Variants in RIMS2 observed in about 807,000 individuals in gnomAD.
The protein encoded by RIMS2 is regulating synaptic membrane exocytosis protein 2.
A neutral mutation model predicts 174.4 loss-of-function variants in RIMS2; 59 were observed. The ratio of observed to expected loss-of-function variants is 0.34; its 90% CI spans 0.27 to 0.42. The LOEUF is 0.42. Ranked by LOEUF, RIMS2 falls within the 10% of genes least tolerant of loss-of-function variation. The pLI, the probability that RIMS2 is intolerant of heterozygous loss-of-function variation, is 1.00. For synonymous variants in RIMS2, 606 were observed against 572.5 expected (o/e 1.06, Z -0.84); for missense variants, 1,620 against 1,666.3 (o/e 0.97, Z 0.48).
chr8:103,621,698 G>A (rs968120052), intron 1 of RIMS2, among the ~76,000 whole-genome samples: 2 of 152,166 alleles, frequency 1.3e-5, no homozygotes, highest in Non-Finnish European at 2.9e-5. Context: ...AGGAACCTCT[G>A]CTTTACTTTT....
chr8:104,076,329 A>G (rs938723268), intron 19 of RIMS2, among the ~76,000 whole-genome samples: 1 of 151,918 alleles, frequency 6.6e-6, no homozygotes, highest in African/African-American at 2.4e-5. Flanking sequence ...TTTTGAATTC[A>G]TGTTTGCAAG....
intron 1 of RIMS2, among the ~76,000 whole-genome samples, chr8:103,505,009 A>T (rs562978024): frequency 1.3e-5 from 2 of 150,254 alleles, no homozygotes; most frequent in African/African-American, 4.9e-5. Context: ...GTGTCATGAC[A>T]CTCGACTAAT....
intron 1 of RIMS2, among the ~76,000 whole-genome samples, chr8:103,690,968 T>C (rs1291510707): frequency 6.6e-6 from 1 of 152,198 alleles, no homozygotes; most frequent in Non-Finnish European, 1.5e-5. Context: ...TTTTACTGGA[T>C]GTACTATTCT....
intron 13 of RIMS2, among the ~76,000 whole-genome samples, chr8:103,938,803 T>C (rs1180365859): frequency 6.6e-6 from 1 of 152,146 alleles, no homozygotes; most frequent in Non-Finnish European, 1.5e-5. Flanking sequence ...CCATTACAAA[T>C]AGGAGAAATT....
At chr8:104,049,381 C>G (rs1266638920) in intron 19 of RIMS2, among the ~76,000 whole-genome samples, 1 of 152,072 alleles carries the variant, frequency 6.6e-6, no homozygotes, top group Non-Finnish European at 1.5e-5. Context: ...GCCGAGATCG[C>G]GCCACTGCAC....
intron 3 of RIMS2, among the ~76,000 whole-genome samples, chr8:103,823,768 A>G (rs919286886): frequency 2.7e-5 from 4 of 149,404 alleles, no homozygotes; most frequent in Non-Finnish European, 6.0e-5. Context: ...CAGCATGCTT[A>G]CTTTTCATAG....
intron 1 of RIMS2, among the ~76,000 whole-genome samples, chr8:103,516,818 CG>C: frequency 6.6e-6 from 1 of 152,044 alleles, no homozygotes; most frequent in Admixed American, 6.6e-5. Flanking sequence ...ATGGGAAGGT[CG>C]GGGAGAGGTA....
chr8:103,737,636 G>A (rs1274534665), intron 2 of RIMS2, among the ~76,000 whole-genome samples: 2 of 152,146 alleles, frequency 1.3e-5, no homozygotes, highest in Admixed American at 6.6e-5. Context: ...ACACAGGGAA[G>A]GCAAAATGCA....
intron 1 of RIMS2, among the ~76,000 whole-genome samples, chr8:103,612,701 C>T (rs2095411423): frequency 6.6e-6 from 1 of 152,210 alleles, no homozygotes; most frequent in Non-Finnish European, 1.5e-5. Flanking sequence ...GCCTCAGCCT[C>T]TCAAGTGGCT....
intron 3 of RIMS2, chr8:103,819,370 T>C: frequency 6.5e-7 from 1 of 1,543,242 alleles, no homozygotes; most frequent in Non-Finnish European, 8.6e-7. Context: ...CTCTGTTCAT[T>C]TAAGCACAGT....
At chr8:104,056,176 G>A (rs1362370046) in intron 19 of RIMS2, among the ~76,000 whole-genome samples, 12 of 152,044 alleles carry the variant, frequency 7.9e-5, no homozygotes, top group East Asian at 7.7e-4. Flanking sequence ...AGGCCAAGGC[G>A]GGCAGATCAT....
intron 19 of RIMS2, among the ~76,000 whole-genome samples, chr8:104,050,766 TG>T (rs1287625935): frequency 6.6e-6 from 1 of 152,164 alleles, no homozygotes; most frequent in African/African-American, 2.4e-5. Context: ...TGAGTTGAAA[TG>T]AAAGAGTACA....
intron 15 of RIMS2, among the ~76,000 whole-genome samples, chr8:103,971,897 G>A (rs1238196911): frequency 6.6e-6 from 1 of 152,024 alleles, no homozygotes; most frequent in East Asian, 1.9e-4. Context: ...TTCCTAATAG[G>A]CTAACTTAAA....
At chr8:104,050,891 G>C (rs1226510518) in intron 19 of RIMS2, among the ~76,000 whole-genome samples, 1 of 151,888 alleles carries the variant, frequency 6.6e-6, no homozygotes, top group African/African-American at 2.4e-5. Flanking sequence ...CTTACTCTTT[G>C]CCCATTTAAA....
At chr8:103,865,354 G>A (rs1473082960) in intron 3 of RIMS2, among the ~76,000 whole-genome samples, 3 of 140,956 alleles carry the variant, frequency 2.1e-5, no homozygotes, top group African/African-American at 8.0e-5. Flanking sequence ...GCATGATCTC[G>A]GATCACTGCA....
chr8:103,821,694 A>G (rs1311103762), intron 3 of RIMS2, among the ~76,000 whole-genome samples: 1 of 151,594 alleles, frequency 6.6e-6, no homozygotes, highest in Non-Finnish European at 1.5e-5. Flanking sequence ...TAAACCTTTT[A>G]TTCTGCTTAT....
chr8:103,781,630 T>A (rs2098389256), intron 3 of RIMS2, among the ~76,000 whole-genome samples: 1 of 152,094 alleles, frequency 6.6e-6, no homozygotes, highest in African/African-American at 2.4e-5. Context: ...TTGATTTGCA[T>A]GTTCTCTTTG....
intron 19 of RIMS2, among the ~76,000 whole-genome samples, chr8:104,139,361 A>G (rs535644725): frequency 1.3e-5 from 2 of 152,238 alleles, no homozygotes; most frequent in South Asian, 2.1e-4. Flanking sequence ...GGTAGTATGG[A>G]CATTTTAACA....
At chr8:103,963,470 G>A (rs1482164005) in intron 15 of RIMS2, among the ~76,000 whole-genome samples, 3 of 152,134 alleles carry the variant, frequency 2.0e-5, no homozygotes, top group African/African-American at 7.2e-5. Context: ...AACTTATTCA[G>A]TTTTTCTAAG....
Sources: allele counts gnomAD v4.1 joint callset (sites outside exome capture counted in the v4.1 genomes callset), GRCh38; gene constraint gnomAD v4.1.1; transcripts MANE v1.5; gene names NCBI Gene and HGNC (gene_info 2026-07-23, HGNC 2026-07-21).